The following PDZD8 variants were observed in gnomAD, a reference collection of about 807,000 sequenced individuals.
PDZD8 encodes the protein PDZ domain-containing protein 8.
In PDZD8, 14 loss-of-function variants were observed where a neutral mutation model predicts 85.8. The ratio of observed to expected loss-of-function variants is 0.16; its 90% CI spans 0.11 to 0.26. PDZD8 has a LOEUF of 0.26. Among genes scored for constraint, PDZD8 ranks in the 10% least tolerant of loss-of-function variants. The pLI is 1.00. For missense variants in PDZD8, 1,197 were observed against 1,424.3 expected (o/e 0.84, Z 2.57); for synonymous variants, 592 against 568.6 (o/e 1.04, Z -0.59).
chr10:117,344,294 T>C (rs530316942), intron 1 of PDZD8, among the ~76,000 whole-genome samples: 19 of 152,340 alleles, frequency 1.2e-4, no homozygotes, highest in Non-Finnish European at 2.4e-4. Context: ...AGAAAATCGA[T>C]GACAATTTGA....
At chr10:117,317,356 A>G (rs1844146767) in intron 3 of PDZD8, among the ~76,000 whole-genome samples, 1 of 152,186 alleles carries the variant, frequency 6.6e-6, no homozygotes, top group Non-Finnish European at 1.5e-5. Flanking sequence ...GTCTTAAGGA[A>G]CTAATAATTC....
intron 3 of PDZD8, among the ~76,000 whole-genome samples, chr10:117,315,554 C>T (rs903616462): frequency 1.5e-5 from 2 of 136,914 alleles, no homozygotes; most frequent in African/African-American, 5.6e-5. Flanking sequence ...TGCGCCACTG[C>T]ACTCCAGTCT....
At chr10:117,339,238 T>C (rs1844568784) in intron 2 of PDZD8, among the ~76,000 whole-genome samples, 1 of 152,096 alleles carries the variant, frequency 6.6e-6, no homozygotes, top group African/African-American at 2.4e-5. Context: ...ATAACCTGTG[T>C]GCTCAAGTAC....
chr10:117,370,658 A>G (rs1564716216), intron 1 of PDZD8, among the ~76,000 whole-genome samples: 1 of 152,266 alleles, frequency 6.6e-6, no homozygotes, highest in East Asian at 1.9e-4. Context: ...CCTGGCCAAC[A>G]TGGTGAAACC....
chr10:117,325,093 T>C (rs761457305), intron 2 of PDZD8, among the ~76,000 whole-genome samples: 1 of 152,160 alleles, frequency 6.6e-6, no homozygotes, highest in Non-Finnish European at 1.5e-5. Flanking sequence ...GGAATTAAAG[T>C]TGACTTTGTG....
intron 3 of PDZD8, among the ~76,000 whole-genome samples, chr10:117,305,665 C>A (rs532145859): frequency 6.6e-6 from 1 of 152,012 alleles, no homozygotes; most frequent in African/African-American, 2.4e-5. Flanking sequence ...AGTGTCATGT[C>A]GGTGATACGA....
In PDZD8 at chr10:117,283,166, A is replaced by G; in HGVS notation, c.*102T>C. The stretch of plus-strand genomic sequence containing the variant: ...TTCTTACACAAGCAAGTAACTGGAG[A>G]AGCAGGCCAGAGTGCATACGAGGAT... On this transcript the variant is annotated 3_prime_UTR_variant, in exon 5 of 5. Transcript: ENST00000334464. 8.5e-7 allele frequency: 1 copy of G among 1,171,768 alleles called. No individual in the cohort carries two copies. Among genetic ancestry groups the G allele is most frequent in the East Asian group, 2.4e-5 (1 of 41,074 alleles). The allele number at this position is 1,171,768 out of a possible 1,614,324, so 72.6% of individuals were successfully genotyped here. A position where few individuals can be genotyped will look rare whatever the true frequency, so the allele number is the denominator to read the frequency against.
chr10:117,290,125 C>A, intron 4 of PDZD8, 61 bp downstream of exon 4: 2 of 1,409,174 alleles, frequency 1.4e-6, no homozygotes, highest in East Asian at 2.5e-5. Context: ...AAGGAAAAAC[C>A]TCACACCTAC....
chr10:117,365,109 A>G (rs563710621), intron 1 of PDZD8, among the ~76,000 whole-genome samples: 1 of 142,234 alleles, frequency 7.0e-6, no homozygotes, highest in East Asian at 2.1e-4. Flanking sequence ...CCTCAATACT[A>G]TACAAATATA....
At chr10:117,363,611 A>G (rs1314862579) in intron 1 of PDZD8, among the ~76,000 whole-genome samples, 1 of 152,204 alleles carries the variant, frequency 6.6e-6, no homozygotes, top group East Asian at 1.9e-4. Context: ...AAGTATACAT[A>G]ATAGATACTT....
At chr10:117,290,399 T>C (rs919788951) in intron 3 of PDZD8, 51 bp from the exon 4 acceptor site, 6 of 1,438,972 alleles carry the variant, frequency 4.2e-6, no homozygotes, top group Admixed American at 2.0e-5. Flanking sequence ...TTCCTAGTAA[T>C]AGAGGAAAAA....
chr10:117,354,999 A>C (rs1844868707), intron 1 of PDZD8, among the ~76,000 whole-genome samples: 1 of 152,218 alleles, frequency 6.6e-6, no homozygotes, highest in Non-Finnish European at 1.5e-5. Flanking sequence ...CTAATACAAA[A>C]CTAAGTGTAA....
chr10:117,340,904 A>G (rs1844600531), intron 2 of PDZD8, 76 bp downstream of exon 2: 4 of 1,521,122 alleles, frequency 2.6e-6, no homozygotes, highest in Non-Finnish European at 3.6e-6. Context: ...TGAACACACA[A>G]CACAAATACT....
At chr10:117,305,159 T>C (rs1263048732) in intron 3 of PDZD8, among the ~76,000 whole-genome samples, 1 of 152,118 alleles carries the variant, frequency 6.6e-6, no homozygotes, top group African/African-American at 2.4e-5. Flanking sequence ...ATGCCTATAA[T>C]CCCAGCACTT....
chr10:117,371,236 G>A (rs755841270), intron 1 of PDZD8, among the ~76,000 whole-genome samples: 1 of 152,172 alleles, frequency 6.6e-6, no homozygotes, highest in Non-Finnish European at 1.5e-5. Flanking sequence ...CCAGGCTGGA[G>A]TGCAGTGGTG....
chr10:117,309,498 A>G (rs1843999383), intron 3 of PDZD8, among the ~76,000 whole-genome samples: 2 of 151,902 alleles, frequency 1.3e-5, no homozygotes, highest in African/African-American at 4.8e-5. Flanking sequence ...GCACAGAATG[A>G]GATCCTCTTT....
At chr10:117,323,521 G>A (rs1302868615) in intron 2 of PDZD8, among the ~76,000 whole-genome samples, 1 of 152,064 alleles carries the variant, frequency 6.6e-6, no homozygotes, top group Admixed American at 6.5e-5. Context: ...CAAAAGCATA[G>A]ACAATTTTCT....
Position 117,284,487 on chromosome 10 carries a change from G to A in PDZD8, c.2246C>T (p.Thr749Met), listed in dbSNP as rs750185720. The A allele has an allele frequency of 4.2e-5, 67 of 1,614,108 alleles. No homozygotes were observed. The highest frequency in any genetic ancestry group is 4.5e-5 in the East Asian group (2 of 44,882). ...CAGTCTCAATTTGGAAAGGTATTCC[G>A]TGTTTGATGTAGCTAGGCATCCTAA... ...VALGCLATSN[T>M]EYLSKLRLEA... The change falls in exon 5 of 5, where the codon ACG becomes ATG. Residue 749 changes from threonine to methionine, a missense_variant. Thr to Met is a moderately conservative substitution (Grantham distance 81, BLOSUM62 -1). Around this residue, in one of 4 missense-constraint regions of PDZD8, gnomAD observed 418 missense variants for 571.1 expected, o/e 0.73. Transcript: ENST00000334464.
intron 1 of PDZD8, among the ~76,000 whole-genome samples, chr10:117,371,106 A>G (rs1845181911): frequency 6.6e-6 from 1 of 152,222 alleles, no homozygotes; most frequent in Non-Finnish European, 1.5e-5. Flanking sequence ...GAAGTATGCT[A>G]TATCTTAGAT....
Sources: gnomAD v4.1 joint callset for allele counts (sites outside exome capture counted in the v4.1 genomes callset) on GRCh38, gnomAD v4.1.1 for gene constraint, gnomAD v4.1.1 regional missense constraint, MANE v1.5 for transcripts, NCBI Gene and HGNC (gene_info 2026-07-23, HGNC 2026-07-21) for gene names.